The following HSDL2 variants were observed in gnomAD, a reference collection of about 807,000 sequenced individuals.
HSDL2 encodes hydroxysteroid dehydrogenase like 2.
A neutral mutation model predicts 46.3 loss-of-function variants in HSDL2; 27 were observed. The observed-to-expected ratio is 0.58, with a 90% CI of 0.43 to 0.80. The LOEUF (loss-of-function observed/expected upper bound fraction) is 0.80, where lower values mean the gene tolerates loss of function less well. Among genes scored for constraint, HSDL2 ranks in the 30% least tolerant of loss-of-function variants. HSDL2 has a pLI of 0.00. For missense variants in HSDL2, 451 were observed against 502.7 expected, an observed-to-expected ratio of 0.90 and a Z score of 0.98; for synonymous variants, 153 against 163.6, an observed-to-expected ratio of 0.94 and a Z score of 0.50.
intron 10 of HSDL2, among the ~76,000 whole-genome samples, chr9:112,467,111 T>C (rs190325544): frequency 3.9e-5 from 6 of 152,296 alleles, no homozygotes; most frequent in Admixed American, 3.3e-4. Flanking sequence ...AACAAATAAA[T>C]GTACATGCAT....
intron 8 of HSDL2, among the ~76,000 whole-genome samples, chr9:112,443,301 T>C (rs1261847256): frequency 3.9e-5 from 6 of 152,244 alleles, no homozygotes; most frequent in Non-Finnish European, 7.3e-5. Context: ...GCACCTCCTA[T>C]GTGCCAAACA....
intron 4 of HSDL2, chr9:112,413,869 A>G (rs975277650): frequency 1.3e-5 from 2 of 155,292 alleles, no homozygotes; most frequent in African/African-American, 4.8e-5. Flanking sequence ...GGTCATTTAT[A>G]ACCTGACGCG....
chr9:112,427,147 C>T (rs1832267968), intron 6 of HSDL2, among the ~76,000 whole-genome samples: 3 of 152,158 alleles, frequency 2.0e-5, no homozygotes, highest in African/African-American at 4.8e-5. Flanking sequence ...CTCCACCTCC[C>T]AGGTTTAAGT....
chr9:112,449,617 A>C (rs1832834107), intron 8 of HSDL2, among the ~76,000 whole-genome samples: 1 of 151,998 alleles, frequency 6.6e-6, no homozygotes, highest in Non-Finnish European at 1.5e-5. Flanking sequence ...TAATTCTAGC[A>C]CTTTGGGAGG....
At chr9:112,442,909 G>A (rs1224000813) in intron 8 of HSDL2, among the ~76,000 whole-genome samples, 1 of 150,968 alleles carries the variant, frequency 6.6e-6, no homozygotes, top group East Asian at 1.9e-4. Context: ...AGATTTTTAT[G>A]GTAATTTAAA....
At chr9:112,468,687 GTAT>G (rs992810660) in intron 10 of HSDL2, among the ~76,000 whole-genome samples, 25 of 151,750 alleles carry the variant, frequency 1.6e-4, no homozygotes, top group African/African-American at 5.3e-4. Flanking sequence ...ATCCCTTGCT[GTAT>G]TATTTTCTTT....
At chr9:112,405,957 T>G (rs1831716524) in intron 3 of HSDL2, among the ~76,000 whole-genome samples, 1 of 151,952 alleles carries the variant, frequency 6.6e-6, no homozygotes, top group Admixed American at 6.6e-5. Context: ...GGTCAGGAGT[T>G]TAAGACCAGC....
chr9:112,402,549 T>C (rs1400425391), intron 1 of HSDL2, among the ~76,000 whole-genome samples: 1 of 86,796 alleles, frequency 1.2e-5, no homozygotes, highest in East Asian at 3.4e-4. Flanking sequence ...CAGAGCTGTC[T>C]TAAAAAAAAA....
chr9:112,404,040 C>T lies in HSDL2; in HGVS notation c.63C>T (p.Gly21=). 6.2e-7 allele frequency: 1 copy of T among 1,614,104 alleles called. No homozygotes were observed. The highest frequency in any genetic ancestry group is 1.6e-4 in the Middle Eastern group (1 of 6,062). ...TTTTTATCACAGGTGCAAGCCGTGG[C>T]ATTGGCAAAGCTATTGCATTGAAAG... The part of the protein sequence containing the change: ...CTVFITGASR[G]IGKAIALKAA... The change falls in exon 2 of 11, where the codon GGC becomes GGT. Residue 21 remains glycine, a synonymous_variant. Coordinates refer to ENST00000398805, the MANE Select transcript of HSDL2 (RefSeq NM_032303.5).
At chr9:112,423,536 C>T (rs1832173936) in intron 6 of HSDL2, among the ~76,000 whole-genome samples, 1 of 152,024 alleles carries the variant, frequency 6.6e-6, no homozygotes, top group Non-Finnish European at 1.5e-5. Context: ...TCCCAAACTC[C>T]TGACCTCAGG....
intron 6 of HSDL2, among the ~76,000 whole-genome samples, chr9:112,428,173 G>C (rs368789746): frequency 4.2e-4 from 64 of 152,254 alleles, no homozygotes; most frequent in African/African-American, 1.3e-3. Flanking sequence ...TGAGTACTGG[G>C]GCATGCTGCT....
intron 6 of HSDL2, among the ~76,000 whole-genome samples, chr9:112,420,965 C>CA (rs1308403034): frequency 3.3e-5 from 5 of 150,400 alleles, no homozygotes. Flanking sequence ...TTTTCCTAAA[C>CA]AGGAAGTGGG....
At chr9:112,391,881 T>A (rs1434856154) in intron 1 of HSDL2, among the ~76,000 whole-genome samples, 1 of 127,726 alleles carries the variant, frequency 7.8e-6, no homozygotes, top group East Asian at 2.4e-4. Flanking sequence ...AGCAAAACTC[T>A]GTCTCAAAAA....
At chr9:112,436,141 G>A (rs1832519100) in intron 6 of HSDL2, among the ~76,000 whole-genome samples, 1 of 150,248 alleles carries the variant, frequency 6.7e-6, no homozygotes, top group African/African-American at 2.5e-5. Context: ...TGGTGGGAGG[G>A]TGAGGTAGGA....
At chr9:112,424,577 C>T (rs1185666546) in intron 6 of HSDL2, among the ~76,000 whole-genome samples, 1 of 151,806 alleles carries the variant, frequency 6.6e-6, no homozygotes, top group Non-Finnish European at 1.5e-5. Context: ...GTAGTTTTCT[C>T]TTGACTTATT....
chr9:112,445,664 A>G (rs535508328), intron 8 of HSDL2, among the ~76,000 whole-genome samples: 3 of 152,270 alleles, frequency 2.0e-5, no homozygotes, highest in African/African-American at 7.2e-5. Context: ...AGCTGGGATT[A>G]CATGGGTGTG....
Position 112,438,508 on chromosome 9 carries a change from G to A in HSDL2, c.676G>A (p.Asp226Asn). The A allele has an allele frequency of 6.2e-7, 1 of 1,612,636 alleles. No individual in the cohort carries two copies. Among genetic ancestry groups the A allele is most frequent in the Non-Finnish European group, 8.5e-7 (1 of 1,179,426 alleles). The change falls in exon 7 of 11, where the codon GAT becomes AAT. Residue 226 changes from aspartate to asparagine, a missense_variant. Coordinates refer to ENST00000398805, the MANE Select transcript of HSDL2 (RefSeq NM_032303.5). ...SQCRKVDIIA[D>N]AAYSIFQKPK... ...GTGTAGAAAAGTTGATATCATTGCA[G>A]ATGCAGCATATTCCATTTTCCAAAA...
intron 1 of HSDL2, among the ~76,000 whole-genome samples, chr9:112,389,493 A>G (rs753392366): frequency 5.9e-5 from 9 of 152,230 alleles, no homozygotes; most frequent in Non-Finnish European, 1.0e-4. Flanking sequence ...GCAACTTTAA[A>G]TTTGAATTAT....
At chr9:112,385,309 TAA>T (rs1831192279) in intron 1 of HSDL2, among the ~76,000 whole-genome samples, 1 of 152,172 alleles carries the variant, frequency 6.6e-6, no homozygotes, top group African/African-American at 2.4e-5. Flanking sequence ...ACTTCTTTTT[TAA>T]AAGTTTTTAA....
Sources: gnomAD v4.1 joint callset for allele counts (sites outside exome capture counted in the v4.1 genomes callset) on GRCh38, gnomAD v4.1.1 for gene constraint, MANE v1.5 for transcripts, NCBI Gene and HGNC (gene_info 2026-07-23, HGNC 2026-07-21) for gene names.